The following FAT4 variants were observed in gnomAD, a reference collection of about 807,000 sequenced individuals.
FAT4 encodes the protein protocadherin Fat 4.
In FAT4, 84 loss-of-function variants were observed where a neutral mutation model predicts 303.9. That is an observed-to-expected ratio of 0.28 (90% CI 0.23 to 0.33). FAT4 has a LOEUF of 0.33. Among genes scored for constraint, FAT4 ranks in the 10% least tolerant of loss-of-function variants. The pLI is 1.00. For synonymous variants in FAT4, 2,307 were observed against 2,298.8 expected, an observed-to-expected ratio of 1.00 and a Z score of -0.10; for missense variants, 6,005 against 6,146.8, an observed-to-expected ratio of 0.98 and a Z score of 0.77.
intron 2 of FAT4, among the ~76,000 whole-genome samples, chr4:125,396,516 G>A (rs1734176913): frequency 6.6e-6 from 1 of 151,812 alleles, no homozygotes; most frequent in Non-Finnish European, 1.5e-5. Context: ...TCAATTTGAT[G>A]TTCTTCCCTG....
chr4:125,394,444 T>C (rs1053447277), intron 2 of FAT4, among the ~76,000 whole-genome samples: 1 of 152,234 alleles, frequency 6.6e-6, no homozygotes, highest in Non-Finnish European at 1.5e-5. Context: ...ATTGGGTTTG[T>C]CCTTTAATTT....
chr4:125,335,336 T>A (rs1273879916), intron 2 of FAT4, among the ~76,000 whole-genome samples: 1 of 152,080 alleles, frequency 6.6e-6, no homozygotes, highest in Non-Finnish European at 1.5e-5. Context: ...TGGTGGTAGA[T>A]GTTGATGATG....
chr4:125,449,828 G>A lies in FAT4; in HGVS notation c.8818G>A (p.Val2940Ile), dbSNP rs746085629. Residue 2940 changes from valine (V) to isoleucine (I), a missense_variant, in exon 10 of 18, where the codon GTC (valine) becomes ATC (isoleucine). Coordinates refer to ENST00000394329, the MANE Select transcript of FAT4 (RefSeq NM_001291303.3). ...FNKQILKYQN[V>I]TGFSNVNINR... ...TAAACAGATCTTAAAATACCAAAAT[G>A]TCACTGGCTTCAGTAATGTGAATAT... is the stretch of plus-strand genomic sequence containing the variant. 39 of 1,613,718 alleles carry A rather than the reference G, an allele frequency of 2.4e-5. No individual in the cohort carries two copies. Among genetic ancestry groups the A allele is most frequent in the Non-Finnish European group, 2.9e-5 (34 of 1,179,906 alleles).
intron 2 of FAT4, among the ~76,000 whole-genome samples, chr4:125,358,439 T>C (rs1732521156): frequency 6.6e-6 from 1 of 152,112 alleles, no homozygotes; most frequent in African/African-American, 2.4e-5. Flanking sequence ...TGAACTCGTT[T>C]TCCTGCAACT....
intron 2 of FAT4, among the ~76,000 whole-genome samples, chr4:125,323,879 C>T (rs890816467): frequency 5.9e-5 from 9 of 152,124 alleles, no homozygotes; most frequent in African/African-American, 1.7e-4. Flanking sequence ...GTTGCTTACT[C>T]AGGTTTCTGG....
rs202034508 is a variant in FAT4, at chr4:125,468,480, T to C, written c.11906-32T>C. 4 of 1,390,052 alleles carry C rather than the reference T, an allele frequency of 2.9e-6. No individual in the cohort carries two copies. The African/African-American group carries it at 4.3e-5, about 15-fold the overall frequency. The allele number at this position is 1,390,052 out of a possible 1,614,324, so 86.1% of individuals were successfully genotyped here. ...TATATAATAAAATTTTCATGAAATT[T>C]TATGCCAGTTTGTCAATTTTCCCTC... is the stretch of plus-strand genomic sequence containing the variant. On this transcript the variant is annotated intron_variant, in intron 11 of 17. Transcript: ENST00000394329.
At chr4:125,419,782 T>G (rs1475122512) in intron 7 of FAT4, among the ~76,000 whole-genome samples, 1 of 152,138 alleles carries the variant, frequency 6.6e-6, no homozygotes, top group Non-Finnish European at 1.5e-5. Flanking sequence ...TTTAGTATCA[T>G]CACATTATTA....
intron 2 of FAT4, among the ~76,000 whole-genome samples, chr4:125,361,756 G>A (rs766128834): frequency 1.3e-5 from 2 of 152,096 alleles, no homozygotes; most frequent in Non-Finnish European, 2.9e-5. Flanking sequence ...AAAAGTGGTC[G>A]TTTTATTACC....
At chr4:125,436,607 A>G (rs1438761815) in intron 8 of FAT4, among the ~76,000 whole-genome samples, 1 of 152,176 alleles carries the variant, frequency 6.6e-6, no homozygotes, top group Non-Finnish European at 1.5e-5. Context: ...AAAGAAGTTT[A>G]ATGGGCATAT....
At chr4:125,348,416 G>C (rs1044524821) in intron 2 of FAT4, among the ~76,000 whole-genome samples, 2 of 151,660 alleles carry the variant, frequency 1.3e-5, no homozygotes, top group African/African-American at 4.8e-5. Context: ...GATCCTTTCT[G>C]ATCTCATGTG....
Position 125,452,478 on chromosome 4 carries a change from T to G in FAT4, c.11468T>G (p.Leu3823Trp). The G allele has an allele frequency of 6.2e-7, 1 of 1,614,032 alleles. No individual in the cohort carries two copies. Among genetic ancestry groups the G allele is most frequent in the Non-Finnish European group, 8.5e-7 (1 of 1,180,026 alleles). The change falls in exon 10 of 18, where the codon TTG (leucine) becomes TGG (tryptophan). Residue 3823 changes from leucine to tryptophan, a missense_variant. Physicochemically the swap from Leu to Trp is moderately conservative, Grantham distance 61. Coordinates refer to ENST00000394329, the MANE Select transcript of FAT4 (RefSeq NM_001291303.3). ...AATGGAGGGAGCTGTCTACGAAGAT[T>G]GGCTGTGAGCTCCGTATTAAAAAGC... ...CQNGGSCLRR[L>W]AVSSVLKSRE...
chr4:125,353,171 A>G lies in FAT4; in HGVS notation c.5175+31585A>G, dbSNP rs78637491. Among the ~76,000 whole-genome samples, 746 of 151,862 alleles carry G rather than the reference A, an allele frequency of 4.9e-3. 29 individuals carry two copies. In the South Asian group the frequency reaches 0.07, roughly 14 times the overall value. ...TATTTTTCAAGAAATACTCAGTTCT[A>G]TAGAAAGTTTGGCCTTCAGTCAGAA... On this transcript the variant is annotated intron_variant, in intron 2 of 17. Transcript: ENST00000394329.
chr4:125,321,746 A>G (rs1037474657), intron 2 of FAT4, among the ~76,000 whole-genome samples, 160 bp downstream of exon 2: 1 of 152,246 alleles, frequency 6.6e-6, no homozygotes, highest in Non-Finnish European at 1.5e-5. Context: ...AGAGAGTTAC[A>G]TAAACTTTAG....
chr4:125,324,258 G>A (rs938647456), intron 2 of FAT4, among the ~76,000 whole-genome samples: 7 of 152,140 alleles, frequency 4.6e-5, no homozygotes, highest in Admixed American at 1.3e-4. Context: ...ATAGATATAT[G>A]TACTTCAGTA....
intron 2 of FAT4, among the ~76,000 whole-genome samples, chr4:125,336,796 G>A (rs748739556): frequency 2.0e-5 from 3 of 150,316 alleles, no homozygotes; most frequent in Non-Finnish European, 4.4e-5. Context: ...ATGTTGAGGC[G>A]ATATGTTAGA....
rs1252913567 is a variant in FAT4 at position 125,451,628 on chromosome 4, C to T, written c.10618C>T (p.Pro3540Ser). The change falls in exon 10 of 18, where the codon CCT becomes TCT. Residue 3540 changes from proline to serine, a missense_variant. By Grantham distance (74) the Pro-to-Ser change is moderately conservative. Coordinates refer to ENST00000394329, the MANE Select transcript of FAT4 (RefSeq NM_001291303.3). ...CCTTCAGTCCACTGACCCTGATCTC[C>T]CTCCAAATCAAGGTCCCTTTACTTA... ...MTLQSTDPDL[P>S]PNQGPFTYYL... 1.2e-6 allele frequency: 2 copies of T among 1,614,106 alleles called. No individual in the cohort carries two copies. Among genetic ancestry groups the T allele is most frequent in the Non-Finnish European group, 1.7e-6 (2 of 1,180,004 alleles).
chr4:125,484,878 G>T (rs1421065650), intron 16 of FAT4, among the ~76,000 whole-genome samples: 2 of 151,822 alleles, frequency 1.3e-5, no homozygotes, highest in Non-Finnish European at 2.9e-5. Context: ...TGGGCAACAG[G>T]GTCTTGCTCT....
At chr4:125,399,456 G>A (rs1425505911) in intron 3 of FAT4, among the ~76,000 whole-genome samples, 1 of 151,212 alleles carries the variant, frequency 6.6e-6, no homozygotes, top group Non-Finnish European at 1.5e-5. Flanking sequence ...CTCTTTACTG[G>A]GTAAGGAGTT....
chr4:125,336,248 C>G (rs1439326064), intron 2 of FAT4, among the ~76,000 whole-genome samples: 1 of 151,888 alleles, frequency 6.6e-6, no homozygotes, highest in Admixed American at 6.6e-5. Context: ...CAAGACATAA[C>G]CAAGAACAGA....
Sources: gnomAD v4.1 joint callset for allele counts (sites outside exome capture counted in the v4.1 genomes callset) on GRCh38, gnomAD v4.1.1 for gene constraint, MANE v1.5 for transcripts, NCBI Gene and HGNC (gene_info 2026-07-23, HGNC 2026-07-21) for gene names.